Variants in SCFD2 observed in about 807,000 individuals in gnomAD.
The protein encoded by SCFD2 is sec1 family domain containing 2.
A neutral mutation model predicts 58.9 loss-of-function variants in SCFD2; 54 were observed. That is an observed-to-expected ratio of 0.92 (90% CI 0.74 to 1.15). SCFD2 has a LOEUF of 1.15. Ranked by LOEUF, SCFD2 falls within the 50% of genes most tolerant of loss-of-function variation. The pLI, the probability that SCFD2 is intolerant of heterozygous loss-of-function variation, is 0.00. For missense variants in SCFD2, 805 were observed against 836.6 expected (o/e 0.96, Z 0.47); for synonymous variants, 321 against 335.9 (o/e 0.96, Z 0.49).
intron 5 of SCFD2, among the ~76,000 whole-genome samples, chr4:53,076,498 C>T (rs1723978815): frequency 6.6e-6 from 1 of 152,134 alleles, no homozygotes; most frequent in South Asian, 2.1e-4. Context: ...TTGTCAGACT[C>T]ATTCCCAAGC....
chr4:53,343,075 A>C (rs1165571687), intron 2 of SCFD2, among the ~76,000 whole-genome samples: 2 of 152,188 alleles, frequency 1.3e-5, no homozygotes, highest in Non-Finnish European at 2.9e-5. Flanking sequence ...AAACACATTC[A>C]AAAGCTAGAA....
At chr4:52,962,440 G>A (rs190182823) in intron 5 of SCFD2, among the ~76,000 whole-genome samples, 162 of 152,254 alleles carry the variant, frequency 1.1e-3, no homozygotes, top group African/African-American at 3.3e-3. Context: ...AACAAAAAAC[G>A]ATACCCTTTA....
chr4:52,942,145 GAA>G (rs1473567443), intron 5 of SCFD2, among the ~76,000 whole-genome samples: 6 of 152,208 alleles, frequency 3.9e-5, no homozygotes, highest in African/African-American at 1.4e-4. Context: ...GGAGTATACA[GAA>G]AGTGGAGGAA....
intron 3 of SCFD2, among the ~76,000 whole-genome samples, chr4:53,308,939 G>A (rs1410682890): frequency 6.6e-6 from 1 of 151,950 alleles, no homozygotes; most frequent in Non-Finnish European, 1.5e-5. Context: ...GACCAGCCTG[G>A]CCAACATGGT....
At chr4:53,174,346 C>A (rs774096877) in intron 4 of SCFD2, among the ~76,000 whole-genome samples, 7 of 151,736 alleles carry the variant, frequency 4.6e-5, no homozygotes, top group Non-Finnish European at 7.4e-5. Flanking sequence ...GTATACCAAG[C>A]AGGGAAAATG....
At chr4:53,138,082 C>A (rs1725996665) in intron 5 of SCFD2, among the ~76,000 whole-genome samples, 1 of 152,068 alleles carries the variant, frequency 6.6e-6, no homozygotes, top group South Asian at 2.1e-4. Flanking sequence ...GAAGCACTAC[C>A]CTATATGACA....
At chr4:52,907,363 TG>T in intron 7 of SCFD2, 93 bp downstream of exon 7, 1 of 1,201,890 alleles carries the variant, frequency 8.3e-7, no homozygotes, top group Non-Finnish European at 1.2e-6. Flanking sequence ...GTTATCTGTA[TG>T]GTGCTGGCTA....
chr4:53,250,206 GC>G (rs1292838692), intron 4 of SCFD2, among the ~76,000 whole-genome samples: 4 of 152,120 alleles, frequency 2.6e-5, no homozygotes, highest in East Asian at 3.9e-4. Context: ...GACAAAGAAG[GC>G]CGTTACATAA....
chr4:53,360,129 A>C, intron 1 of SCFD2, among the ~76,000 whole-genome samples: 1 of 152,240 alleles, frequency 6.6e-6, no homozygotes, highest in East Asian at 1.9e-4. Context: ...TTTAAACAAA[A>C]GGTTTGACAA....
chr4:53,352,695 T>G lies in SCFD2; in HGVS notation c.910A>C (p.Thr304Pro). 6.2e-7 allele frequency: 1 copy of G among 1,614,112 alleles called. No individual in the cohort carries two copies. Among genetic ancestry groups the G allele is most frequent in the Non-Finnish European group, 8.5e-7 (1 of 1,179,962 alleles). ...ATCATGTTAACCATCACATCATTTG[T>G]GTGGCCTGGGAGCTGGGGAAGTGCT... Reference protein sequence around the residue: ...ISALPQLPGHTNDVMVNMIAL... With the variant: ...ISALPQLPGHPNDVMVNMIAL... Residue 304 changes from threonine (T) to proline (P), a missense_variant, in exon 2 of 9, where the codon ACA (threonine) becomes CCA (proline). This residue lies in a region of SCFD2 where 633 missense variants were observed against 646.8 expected (regional missense o/e 0.98). Coordinates refer to ENST00000401642, the MANE Select transcript of SCFD2 (RefSeq NM_152540.4).
intron 5 of SCFD2, among the ~76,000 whole-genome samples, chr4:53,124,050 T>C (rs1376367898): frequency 6.6e-6 from 1 of 152,118 alleles, no homozygotes; most frequent in Non-Finnish European, 1.5e-5. Context: ...TCCATAGAAA[T>C]AGAATATTTG....
In SCFD2 at chr4:53,058,029, G is replaced by A. The variant is rs530896123; in HGVS notation, c.1561+87304C>T. On this transcript the variant is annotated intron_variant, in intron 5 of 8. Transcript: ENST00000401642. ...AGAAGGGAATCTCCCCTTCATCCTC[G>A]GCAACTTCCATTGTAAATAAGGCTA... Among the ~76,000 whole-genome samples, 4 of 152,022 alleles carry A rather than the reference G, an allele frequency of 2.6e-5. No individual in the cohort carries two copies. In the East Asian group the frequency reaches 7.8e-4, roughly 30 times the overall value.
chr4:53,089,445 A>G (rs1724409750), intron 5 of SCFD2, among the ~76,000 whole-genome samples: 1 of 149,882 alleles, frequency 6.7e-6, no homozygotes, highest in African/African-American at 2.4e-5. Flanking sequence ...GAAAATTTTC[A>G]TCATGATGCA....
intron 2 of SCFD2, among the ~76,000 whole-genome samples, chr4:53,322,522 C>T (rs1733056985): frequency 6.6e-6 from 1 of 152,124 alleles, no homozygotes; most frequent in Non-Finnish European, 1.5e-5. Flanking sequence ...TCAGTATAAA[C>T]ATTTTTTATT....
intron 5 of SCFD2, among the ~76,000 whole-genome samples, chr4:52,962,778 C>T (rs1720881269): frequency 6.6e-6 from 1 of 152,162 alleles, no homozygotes; most frequent in African/African-American, 2.4e-5. Context: ...TGCCTTAGCC[C>T]CAGACTGGCT....
At chr4:53,007,135 G>A (rs1178339613) in intron 5 of SCFD2, among the ~76,000 whole-genome samples, 6 of 151,780 alleles carry the variant, frequency 4.0e-5, no homozygotes, top group Non-Finnish European at 7.4e-5. Flanking sequence ...TTAAAAATCA[G>A]CTGGGCATGG....
chr4:53,092,290 T>C (rs1166750593), intron 5 of SCFD2, among the ~76,000 whole-genome samples: 1 of 152,130 alleles, frequency 6.6e-6, no homozygotes, highest in Non-Finnish European at 1.5e-5. Context: ...TTTTTTAACA[T>C]CTTGTAAGAA....
chr4:53,040,791 T>A (rs1412407041), intron 5 of SCFD2, among the ~76,000 whole-genome samples: 2 of 152,318 alleles, frequency 1.3e-5, no homozygotes, highest in Admixed American at 6.5e-5. Context: ...TTTTGATGGT[T>A]CATGCCTTAC....
At chr4:53,103,609 A>G (rs1276354061) in intron 5 of SCFD2, among the ~76,000 whole-genome samples, 1 of 148,800 alleles carries the variant, frequency 6.7e-6, no homozygotes, top group Non-Finnish European at 1.5e-5. Context: ...TAGAAGAACA[A>G]TGACATTCCA....
Sources: gnomAD v4.1 joint callset for allele counts (sites outside exome capture counted in the v4.1 genomes callset) on GRCh38, gnomAD v4.1.1 for gene constraint, gnomAD v4.1.1 regional missense constraint, MANE v1.5 for transcripts, NCBI Gene and HGNC (gene_info 2026-07-23, HGNC 2026-07-21) for gene names.